Variants in GRIK2 observed in about 807,000 individuals in gnomAD.
GRIK2 encodes the protein glutamate receptor ionotropic, kainate 2.
Under a neutral mutation model 100.3 loss-of-function variants are expected in GRIK2, and 32 were observed. That is an observed-to-expected ratio of 0.32 (90% CI 0.24 to 0.43). The LOEUF (loss-of-function observed/expected upper bound fraction) is 0.43. Ranked by LOEUF, GRIK2 falls within the 20% of genes least tolerant of loss-of-function variation. GRIK2 has a pLI of 1.00. For synonymous variants in GRIK2, 417 were observed against 389.4 expected, an observed-to-expected ratio of 1.07 and a Z score of -0.83; for missense variants, 843 against 1,114.9, an observed-to-expected ratio of 0.76 and a Z score of 3.47.
intron 2 of GRIK2, among the ~76,000 whole-genome samples, chr6:101,416,913 G>A (rs1274488051): frequency 2.6e-5 from 4 of 152,074 alleles, no homozygotes; most frequent in African/African-American, 9.7e-5. Flanking sequence ...TTACATCTTG[G>A]CCTGCTCAGA....
chr6:102,052,019 G>C (rs1771225687), intron 15 of GRIK2, among the ~76,000 whole-genome samples: 1 of 152,120 alleles, frequency 6.6e-6, no homozygotes, highest in Non-Finnish European at 1.5e-5. Flanking sequence ...TAATTAATGA[G>C]TGTTCACTTC....
chr6:101,750,006 G>A (rs990802401), intron 7 of GRIK2, among the ~76,000 whole-genome samples: 21 of 151,446 alleles, frequency 1.4e-4, no homozygotes, highest in Admixed American at 1.4e-3. Flanking sequence ...GTAGGGACAG[G>A]GTTTCACCAT....
chr6:101,717,675 G>T (rs1004068288), intron 7 of GRIK2, among the ~76,000 whole-genome samples: 1 of 151,836 alleles, frequency 6.6e-6, no homozygotes, highest in South Asian at 2.1e-4. Flanking sequence ...ATTATTGCCA[G>T]TGAATAGTAA....
At chr6:101,642,721 G>T (rs965386862) in intron 4 of GRIK2, among the ~76,000 whole-genome samples, 1 of 151,440 alleles carries the variant, frequency 6.6e-6, no homozygotes, top group African/African-American at 2.4e-5. Flanking sequence ...TCTCTTTGAG[G>T]CCCTGTTCTC....
intron 14 of GRIK2, among the ~76,000 whole-genome samples, chr6:101,963,636 G>A (rs983360130): frequency 4.0e-5 from 6 of 150,986 alleles, no homozygotes; most frequent in Non-Finnish European, 7.4e-5. Flanking sequence ...ACAGGCGTGA[G>A]CCACCGCGCC....
intron 15 of GRIK2, among the ~76,000 whole-genome samples, chr6:102,039,984 T>C (rs932013636): frequency 2.6e-5 from 4 of 151,536 alleles, no homozygotes; most frequent in African/African-American, 4.8e-5. Flanking sequence ...TGCATATTAT[T>C]AATAATGTAA....
rs1338607145 is a variant in GRIK2, at chr6:102,005,918, A to C, written c.2086-29423A>C. Among the ~76,000 whole-genome samples the C allele has an allele frequency of 1.3e-5, 2 of 151,996 alleles. 1 individual carries two copies. The highest frequency in any genetic ancestry group is 2.9e-5 in the Non-Finnish European group (2 of 68,002). ...CTTTGGCCACCTTCTCTGTGGATGC[A>C]TGTGGTCTCTCTTCTGCATGCACAC... On this transcript the variant is annotated intron_variant, in intron 14 of 16. Transcript: ENST00000369134.
At chr6:101,896,173 A>G (rs1238451642) in intron 12 of GRIK2, among the ~76,000 whole-genome samples, 1 of 151,780 alleles carries the variant, frequency 6.6e-6, no homozygotes, top group Non-Finnish European at 1.5e-5. Flanking sequence ...CTTAGTTTGT[A>G]TCTTTAGTAG....
intron 12 of GRIK2, among the ~76,000 whole-genome samples, chr6:101,894,497 G>T (rs1344427220): frequency 6.6e-6 from 1 of 151,592 alleles, no homozygotes; most frequent in Non-Finnish European, 1.5e-5. Flanking sequence ...TGCTGACAGA[G>T]AATTAGGAAG....
At chr6:101,732,893 A>G (rs116841714) in intron 7 of GRIK2, among the ~76,000 whole-genome samples, 1,540 of 152,090 alleles carry the variant, frequency 0.01, 12 homozygotes, top group Non-Finnish European at 0.015. Flanking sequence ...GTTCTCCCAT[A>G]CTGGAGAGAA....
intron 2 of GRIK2, among the ~76,000 whole-genome samples, chr6:101,531,706 C>A (rs780349494): frequency 3.1e-4 from 47 of 151,912 alleles, no homozygotes; most frequent in Admixed American, 7.9e-4. Flanking sequence ...TCATGCCTCT[C>A]CACATGCAGT....
intron 14 of GRIK2, among the ~76,000 whole-genome samples, chr6:101,998,806 T>C (rs1007631040): frequency 7.2e-6 from 1 of 138,244 alleles, no homozygotes; most frequent in Non-Finnish European, 1.6e-5. Flanking sequence ...TTTTCTTTTT[T>C]CTTTTCTTTT....
chr6:101,776,699 A>G (rs1583127249), intron 7 of GRIK2, among the ~76,000 whole-genome samples: 1 of 152,304 alleles, frequency 6.6e-6, no homozygotes, highest in Non-Finnish European at 1.5e-5. Flanking sequence ...TTGAATTCTA[A>G]ATTTGTCAGT....
intron 14 of GRIK2, among the ~76,000 whole-genome samples, chr6:101,983,907 T>C (rs1321448775): frequency 6.6e-6 from 1 of 151,676 alleles, no homozygotes; most frequent in Non-Finnish European, 1.5e-5. Flanking sequence ...TCACCATATA[T>C]ATATTTTTGA....
intron 9 of GRIK2, among the ~76,000 whole-genome samples, chr6:101,815,243 G>C (rs1036427774): frequency 6.6e-6 from 1 of 152,042 alleles, no homozygotes; most frequent in Non-Finnish European, 1.5e-5. Context: ...TGTATTCATA[G>C]GATCAAAGTT....
chr6:101,591,054 G>A lies in GRIK2; in HGVS notation c.116-30895G>A, dbSNP rs182381070. On this transcript the variant is annotated intron_variant, in intron 2 of 16. Transcript: ENST00000369134. ...GGACACCTATTAAAATAATAGCGAA[G>A]GACTTTTATATTTATTATATATATG... 9.2e-5 allele frequency among the ~76,000 whole-genome samples: 14 copies of A among 151,818 alleles called. No individual in the cohort carries two copies. In the East Asian group the frequency reaches 2.7e-3, roughly 30 times the overall value.
chr6:101,395,384 A>T (rs940081487), intron 1 of GRIK2, among the ~76,000 whole-genome samples: 1 of 152,128 alleles, frequency 6.6e-6, no homozygotes, highest in African/African-American at 2.4e-5. Flanking sequence ...CATGTGAAAA[A>T]TTTAAATATA....
At chr6:101,665,101 C>T (rs562738128) in intron 4 of GRIK2, among the ~76,000 whole-genome samples, 1 of 152,276 alleles carries the variant, frequency 6.6e-6, no homozygotes, top group African/African-American at 2.4e-5. Flanking sequence ...CACAGATACA[C>T]TCCATATAAC....
chr6:101,735,133 G>C (rs764414780), intron 7 of GRIK2, among the ~76,000 whole-genome samples: 3 of 152,166 alleles, frequency 2.0e-5, no homozygotes, highest in African/African-American at 4.8e-5. Context: ...TGAAGTTTAA[G>C]TGGTGCAGGT....
Sources: gnomAD v4.1 joint callset for allele counts (sites outside exome capture counted in the v4.1 genomes callset) on GRCh38, gnomAD v4.1.1 for gene constraint, MANE v1.5 for transcripts, NCBI Gene and HGNC (gene_info 2026-07-23, HGNC 2026-07-21) for gene names.